Variants in IPCEF1 observed in about 807,000 individuals in gnomAD.
IPCEF1 encodes interaction protein for cytohesin exchange factors 1, also known as interactor protein for cytohesin exchange factors 1.
A neutral mutation model predicts 50.9 loss-of-function variants in IPCEF1; 31 were observed. That is an observed-to-expected ratio of 0.61 (90% confidence interval 0.46 to 0.82). The LOEUF is 0.82. IPCEF1 is among the 40% of genes least tolerant of loss of function. The pLI is 0.00. For missense variants in IPCEF1, 458 were observed against 514.0 expected, an observed-to-expected ratio of 0.89 and a Z score of 1.05; for synonymous variants, 181 against 192.0, an observed-to-expected ratio of 0.94 and a Z score of 0.47.
At chr6:154,324,442 A>G (rs1365003989) in intron 1 of IPCEF1, among the ~76,000 whole-genome samples, 1 of 152,094 alleles carries the variant, frequency 6.6e-6, no homozygotes, top group African/African-American at 2.4e-5. Flanking sequence ...AATAATAAAA[A>G]GAAAATCATA....
intron 5 of IPCEF1, among the ~76,000 whole-genome samples, chr6:154,238,923 T>G (rs1250326941): frequency 1.3e-5 from 2 of 149,826 alleles, no homozygotes; most frequent in African/African-American, 2.5e-5. Flanking sequence ...TATATTGTTG[T>G]TTTTTTTAAA....
intron 1 of IPCEF1, among the ~76,000 whole-genome samples, chr6:154,334,850 C>T (rs987272434): frequency 6.6e-6 from 1 of 152,094 alleles, no homozygotes; most frequent in African/African-American, 2.4e-5. Context: ...AAATATGGTC[C>T]TTTGATATAC....
At chr6:154,311,931 C>A (rs528605371) in intron 1 of IPCEF1, among the ~76,000 whole-genome samples, 2 of 152,272 alleles carry the variant, frequency 1.3e-5, no homozygotes, top group African/African-American at 4.8e-5. Flanking sequence ...TATGGGCCAG[C>A]AATCTCTTTA....
chr6:154,217,742 GCTTATAC>G (rs1192060602), intron 7 of IPCEF1, among the ~76,000 whole-genome samples: 1 of 151,994 alleles, frequency 6.6e-6, no homozygotes, highest in Non-Finnish European at 1.5e-5. Context: ...ACAATTTTTA[GCTTATAC>G]CTTAGTTCAT....
Position 154,168,075 on chromosome 6 carries a change from G to A in IPCEF1, c.949C>T (p.Leu317=), listed in dbSNP as rs780778135. Reference sequence around the variant, plus strand: ...CTAGCTTGCTCTAATGATTTGTACAGCTTCTCCATTTCATCATCTTCAGAC... The same window carrying A: ...CTAGCTTGCTCTAATGATTTGTACAACTTCTCCATTTCATCATCTTCAGAC... ...KVSEDDEMEK[L]YKSLEQASLS... Residue 317 remains leucine (L), a synonymous_variant, in exon 11 of 12, where the codon CTG becomes TTG. Coordinates refer to ENST00000367220, the MANE Select transcript of IPCEF1 (RefSeq NM_001130700.2). This position sits in a 1 kb window ranked among gnomAD's most constrained non-coding sequence, Gnocchi z 4.1. The A allele has an allele frequency of 3.2e-6, 5 of 1,573,612 alleles. No individual in the cohort carries two copies. Among genetic ancestry groups the A allele is most frequent in the Non-Finnish European group, 4.3e-6 (5 of 1,153,218 alleles).
intron 2 of IPCEF1, among the ~76,000 whole-genome samples, chr6:154,284,079 T>C (rs1782294724): frequency 6.6e-6 from 1 of 152,216 alleles, no homozygotes; most frequent in African/African-American, 2.4e-5. Context: ...CCTAGCTTGA[T>C]ATCCCTTGAA....
At chr6:154,330,926 C>T (rs1783643455) in intron 1 of IPCEF1, among the ~76,000 whole-genome samples, 1 of 152,148 alleles carries the variant, frequency 6.6e-6, no homozygotes, top group Non-Finnish European at 1.5e-5. Context: ...GCTAGGCAGA[C>T]ATGAGCAGGG....
chr6:154,351,313 G>A (rs1245648699), intron 1 of IPCEF1, among the ~76,000 whole-genome samples: 1 of 152,188 alleles, frequency 6.6e-6, no homozygotes, highest in Non-Finnish European at 1.5e-5. Flanking sequence ...TATCTTGACT[G>A]TGGTTGTGAA....
intron 2 of IPCEF1, among the ~76,000 whole-genome samples, chr6:154,287,703 A>G (rs1782398094): frequency 6.6e-6 from 1 of 152,192 alleles, no homozygotes; most frequent in Non-Finnish European, 1.5e-5. Context: ...AGCTTCTTAT[A>G]ACAAGCCATG....
At chr6:154,264,749 G>A (rs1781710927) in intron 3 of IPCEF1, among the ~76,000 whole-genome samples, 1 of 152,106 alleles carries the variant, frequency 6.6e-6, no homozygotes, top group South Asian at 2.1e-4. Context: ...ATGAGCACCG[G>A]AATTAAAGTG....
chr6:154,235,849 A>G (rs530748620), intron 5 of IPCEF1, among the ~76,000 whole-genome samples: 1 of 152,330 alleles, frequency 6.6e-6, no homozygotes, highest in Non-Finnish European at 1.5e-5. Flanking sequence ...GTGTGATGGT[A>G]CCTCACAGCC....
At chr6:154,266,006 G>C in intron 2 of IPCEF1, 42 bp from the exon 3 acceptor site, 1 of 1,177,038 alleles carries the variant, frequency 8.5e-7, no homozygotes, top group South Asian at 1.3e-5. Context: ...TGAGATTAAA[G>C]TGTTCATAAA....
intron 3 of IPCEF1, among the ~76,000 whole-genome samples, chr6:154,260,177 C>T (rs1429032851): frequency 6.6e-6 from 1 of 152,156 alleles, no homozygotes; most frequent in Non-Finnish European, 1.5e-5. Flanking sequence ...GACAGATCAT[C>T]CCACAGGTGA....
Position 154,302,649 on chromosome 6 carries a change from A to AT in IPCEF1, c.-61-12894dup, listed in dbSNP as rs914652116. ...GCCACCACGCCTGGCTAATGTTTATATTTTTTGTGGAGACAGGGCTTCACC... is the reference window on the plus strand; with the variant it reads ...GCCACCACGCCTGGCTAATGTTTATATTTTTTTGTGGAGACAGGGCTTCACC... On this transcript the variant is annotated intron_variant, in intron 1 of 11. Transcript: ENST00000367220. 7.9e-5 allele frequency among the ~76,000 whole-genome samples: 12 copies of AT among 152,086 alleles called. No individual in the cohort carries two copies. The East Asian group carries it at 1.2e-3, about 15-fold the overall frequency.
At chr6:154,211,089 G>A (rs140182737) in intron 9 of IPCEF1, among the ~76,000 whole-genome samples, 1 of 152,170 alleles carries the variant, frequency 6.6e-6, no homozygotes, top group Admixed American at 6.5e-5. Context: ...CATCATTTGG[G>A]TCTATAATGG....
chr6:154,289,459 A>AG lies in IPCEF1; in HGVS notation c.-18+253_-18+254insC, dbSNP rs1782455932. 3.3e-5 allele frequency among the ~76,000 whole-genome samples: 5 copies of AG among 151,628 alleles called. No individual in the cohort carries two copies. The South Asian group carries it at 1.0e-3, about 31-fold the overall frequency. On this transcript the variant is annotated intron_variant, in intron 2 of 11. Transcript: ENST00000367220. Reference sequence around the variant, plus strand: ...TATTCCTTACTCTTAGAGAAGCAAAAAAAAAATCAACCCATAAATAAATAA... The same window carrying AG: ...TATTCCTTACTCTTAGAGAAGCAAAAGAAAAAATCAACCCATAAATAAATAA...
intron 11 of IPCEF1, among the ~76,000 whole-genome samples, chr6:154,165,054 G>A (rs1799319736): frequency 6.6e-6 from 1 of 152,086 alleles, no homozygotes; most frequent in South Asian, 2.1e-4. Context: ...CCTTGTTTCT[G>A]CATGAAACTC....
intron 1 of IPCEF1, among the ~76,000 whole-genome samples, chr6:154,350,840 C>A (rs915298017): frequency 6.6e-6 from 1 of 152,162 alleles, no homozygotes; most frequent in Non-Finnish European, 1.5e-5. Context: ...TCTGCCTCAG[C>A]CTCCTGAGTA....
intron 3 of IPCEF1, among the ~76,000 whole-genome samples, chr6:154,252,777 G>A (rs1781368973): frequency 6.6e-6 from 1 of 152,204 alleles, no homozygotes; most frequent in South Asian, 2.1e-4. Context: ...AATCCGAGTG[G>A]GTTGAGAGAT....
Sources: gnomAD v4.1 joint callset for allele counts (sites outside exome capture counted in the v4.1 genomes callset) on GRCh38, gnomAD v4.1.1 for gene constraint, Gnocchi (gnomAD v3.1) non-coding constraint, MANE v1.5 for transcripts, NCBI Gene and HGNC (gene_info 2026-07-23, HGNC 2026-07-21) for gene names.